The following CNTN3 variants were observed in gnomAD, a reference collection of about 807,000 sequenced individuals.
The protein encoded by CNTN3 is contactin-3.
Under a neutral mutation model 119.1 loss-of-function variants are expected in CNTN3, and 60 were observed. That is an observed-to-expected ratio of 0.50 (90% CI 0.41 to 0.62). The LOEUF is 0.62. Among genes scored for constraint, CNTN3 ranks in the 20% least tolerant of loss-of-function variants. CNTN3 has a pLI of 0.00. For synonymous variants in CNTN3, 450 were observed against 438.7 expected, an observed-to-expected ratio of 1.03 and a Z score of -0.32; for missense variants, 1,101 against 1,242.4, an observed-to-expected ratio of 0.89 and a Z score of 1.71.
intron 1 of CNTN3, among the ~76,000 whole-genome samples, chr3:74,569,476 G>T (rs539118064): frequency 6.6e-6 from 1 of 152,278 alleles, no homozygotes; most frequent in East Asian, 1.9e-4. Context: ...AACTGCCCAA[G>T]CCCAGTGTCT....
intron 17 of CNTN3, among the ~76,000 whole-genome samples, chr3:74,299,407 C>T (rs1575707162): frequency 1.3e-5 from 2 of 152,052 alleles, no homozygotes; most frequent in East Asian, 3.9e-4. Flanking sequence ...CAAACTCAAG[C>T]ACCTGTTGGA....
intron 5 of CNTN3, among the ~76,000 whole-genome samples, chr3:74,375,176 G>C (rs768086419): frequency 3.9e-5 from 6 of 152,080 alleles, no homozygotes; most frequent in Non-Finnish European, 8.8e-5. Flanking sequence ...AAAATCAAGA[G>C]AGTAAAGATC....
chr3:74,509,908 G>C lies in CNTN3; in HGVS notation c.56-10123C>G, dbSNP rs530239861. ...ATCATTATCCTATAATATATTACATGTACTTGTTTTTCACTCTTATCACCC... is the reference window on the plus strand; with the variant it reads ...ATCATTATCCTATAATATATTACATCTACTTGTTTTTCACTCTTATCACCC... On this transcript the variant is annotated intron_variant, in intron 2 of 22. Coordinates refer to ENST00000263665, the MANE Select transcript of CNTN3 (RefSeq NM_020872.3). 1.1e-3 allele frequency among the ~76,000 whole-genome samples: 163 copies of C among 151,952 alleles called. 2 individuals carry two copies. The South Asian group carries it at 0.011, about 10-fold the overall frequency.
intron 8 of CNTN3, 140 bp from the exon 9 acceptor site, chr3:74,365,842 G>A (rs1575663067): frequency 1.0e-6 from 1 of 964,664 alleles, no homozygotes; most frequent in Non-Finnish European, 1.5e-6. Flanking sequence ...ACAGAGGCTA[G>A]AATTATATTT....
At chr3:74,526,122 A>G (rs1052261702) in intron 1 of CNTN3, among the ~76,000 whole-genome samples, 3 of 151,816 alleles carry the variant, frequency 2.0e-5, no homozygotes, top group Admixed American at 1.3e-4. Flanking sequence ...ATTGCTTAAT[A>G]CACCACCCTC....
chr3:74,282,827 A>C (rs1033945930), intron 20 of CNTN3, among the ~76,000 whole-genome samples: 8 of 152,150 alleles, frequency 5.3e-5, no homozygotes, highest in Non-Finnish European at 1.5e-5. Flanking sequence ...ATTAACATAA[A>C]ATTTAAAAAT....
intron 4 of CNTN3, among the ~76,000 whole-genome samples, chr3:74,437,406 G>A (rs1342302191): frequency 1.3e-5 from 2 of 151,984 alleles, no homozygotes; most frequent in African/African-American, 4.8e-5. Flanking sequence ...AGCTTGCAGT[G>A]AGCCGAGATC....
intron 1 of CNTN3, among the ~76,000 whole-genome samples, chr3:74,588,805 G>A (rs1290539542): frequency 2.0e-5 from 3 of 151,838 alleles, no homozygotes; most frequent in South Asian, 2.1e-4. Context: ...AACGCCGCAT[G>A]TCTACAACTA....
chr3:74,268,338 C>T (rs1268262596), intron 20 of CNTN3, among the ~76,000 whole-genome samples: 1 of 152,028 alleles, frequency 6.6e-6, no homozygotes, highest in Non-Finnish European at 1.5e-5. Context: ...TCACAATTGC[C>T]CTCAGTGTTA....
At chr3:74,489,834 T>A (rs1023467764) in intron 3 of CNTN3, among the ~76,000 whole-genome samples, 10 of 152,122 alleles carry the variant, frequency 6.6e-5, no homozygotes, top group African/African-American at 9.7e-5. Flanking sequence ...TCCCATAGGA[T>A]TGCTCTTCAA....
chr3:74,474,612 G>A (rs990396082), intron 4 of CNTN3, among the ~76,000 whole-genome samples: 2 of 152,016 alleles, frequency 1.3e-5, no homozygotes, highest in African/African-American at 4.8e-5. Flanking sequence ...TCCTCCCTCA[G>A]CCTCCCAAGT....
chr3:74,449,680 T>G (rs35567779), intron 4 of CNTN3, among the ~76,000 whole-genome samples: 44,363 of 151,962 alleles, frequency 0.29, 6,569 homozygotes, highest in Non-Finnish European at 0.33. Context: ...CTGATGCACC[T>G]CAGCTTTCAT....
chr3:74,342,076 T>C (rs1291307874), intron 11 of CNTN3, among the ~76,000 whole-genome samples: 2 of 152,090 alleles, frequency 1.3e-5, no homozygotes, highest in African/African-American at 4.8e-5. Flanking sequence ...ATGCTTACAT[T>C]ACATGTAAGA....
intron 4 of CNTN3, among the ~76,000 whole-genome samples, chr3:74,437,618 A>G (rs9816129): frequency 0.45 from 68,717 of 152,040 alleles, 15,612 homozygotes; most frequent in East Asian, 0.57. Flanking sequence ...AACACGAACA[A>G]TTACTACAAA....
chr3:74,296,894 C>T (rs969470313), intron 18 of CNTN3, among the ~76,000 whole-genome samples: 3 of 146,796 alleles, frequency 2.0e-5, no homozygotes, highest in African/African-American at 7.6e-5. Flanking sequence ...TGTAGAACTA[C>T]ATGAGATAGC....
At chr3:74,601,747 C>T (rs569953849) in intron 1 of CNTN3, among the ~76,000 whole-genome samples, 200 of 152,200 alleles carry the variant, frequency 1.3e-3, no homozygotes, top group Non-Finnish European at 2.4e-3. Flanking sequence ...TTGGGTTTGG[C>T]CATGTTTTTT....
chr3:74,431,551 C>A (rs1044746922), intron 4 of CNTN3, among the ~76,000 whole-genome samples: 1 of 152,026 alleles, frequency 6.6e-6, no homozygotes, highest in East Asian at 1.9e-4. Context: ...AAACTATGGA[C>A]AAATAATATC....
intron 1 of CNTN3, among the ~76,000 whole-genome samples, chr3:74,608,632 T>G (rs991789638): frequency 1.3e-5 from 2 of 152,154 alleles, no homozygotes; most frequent in Non-Finnish European, 2.9e-5. Flanking sequence ...ACTCAGAAAC[T>G]CTGCAAAATA....
intron 20 of CNTN3, among the ~76,000 whole-genome samples, chr3:74,267,843 G>T (rs189623971): frequency 1.3e-5 from 2 of 152,018 alleles, no homozygotes; most frequent in Non-Finnish European, 2.9e-5. Context: ...TTATTTTGAC[G>T]CATACAGAGG....
Sources: allele counts gnomAD v4.1 joint callset (sites outside exome capture counted in the v4.1 genomes callset), GRCh38; gene constraint gnomAD v4.1.1; transcripts MANE v1.5; gene names NCBI Gene and HGNC (gene_info 2026-07-23, HGNC 2026-07-21).